RFLNA: variants seen among roughly 807,000 people sequenced by gnomAD.
RFLNA encodes the protein refilin A.
A neutral mutation model predicts 7.8 loss-of-function variants in RFLNA; 5 were observed. That is an observed-to-expected ratio of 0.64 (90% CI 0.34 to 1.35). The LOEUF is 1.35. Ranked by LOEUF, RFLNA falls within the 40% of genes most tolerant of loss-of-function variation. The probability of loss-of-function intolerance (pLI) is 0.04; values close to 1 mark genes in which losing one functional copy is unlikely to be tolerated. For missense variants in RFLNA, 278 were observed against 305.5 expected, an observed-to-expected ratio of 0.91 and a Z score of 0.67; for synonymous variants, 141 against 131.3, an observed-to-expected ratio of 1.07 and a Z score of -0.50.
At chr12:124,305,277 G>A (rs1305397262) in intron 1 of RFLNA, among the ~76,000 whole-genome samples, 1 of 152,222 alleles carries the variant, frequency 6.6e-6, no homozygotes, top group African/African-American at 2.4e-5. Context: ...GCCACCCCTG[G>A]GTTGGGCGCT....
chr12:124,292,854 CA>C (rs1427692296), upstream of RFLNA, among the ~76,000 whole-genome samples: 1 of 152,234 alleles, frequency 6.6e-6, no homozygotes, highest in African/African-American at 2.4e-5. Flanking sequence ...GAAATCACCA[CA>C]AATGGTATTT....
chr12:124,310,135 C>CGTACTCTA (rs1218160773), intron 1 of RFLNA, among the ~76,000 whole-genome samples: 1 of 123,696 alleles, frequency 8.1e-6, no homozygotes, highest in Non-Finnish European at 1.6e-5. Context: ...ATTGCACTAC[C>CGTACTCTA]GTACTCTAGC....
intron 1 of RFLNA, among the ~76,000 whole-genome samples, chr12:124,300,413 C>T (rs1038094959): frequency 5.9e-5 from 9 of 152,216 alleles, no homozygotes; most frequent in Admixed American, 2.6e-4. Flanking sequence ...TCTTGGAGGC[C>T]GCCTGAGGTC....
chr12:124,296,994 G>A (rs1036523761), intron 1 of RFLNA, among the ~76,000 whole-genome samples: 6 of 152,204 alleles, frequency 3.9e-5, no homozygotes, highest in Non-Finnish European at 8.8e-5. Context: ...GGTGACCAGG[G>A]CTGTTTGAAG....
chr12:124,299,351 A>AT (rs1343955841), intron 1 of RFLNA, among the ~76,000 whole-genome samples: 1 of 152,152 alleles, frequency 6.6e-6, no homozygotes, highest in African/African-American at 2.4e-5. Flanking sequence ...TTTTAAATTT[A>AT]TTTTTTAATG....
chr12:124,301,269 G>A (rs1322746930), intron 1 of RFLNA, among the ~76,000 whole-genome samples: 1 of 152,248 alleles, frequency 6.6e-6, no homozygotes, highest in African/African-American at 2.4e-5. Context: ...TCAGCAAAGT[G>A]TCTGACAGCC....
intron 1 of RFLNA, among the ~76,000 whole-genome samples, chr12:124,302,990 G>T (rs2034072135): frequency 6.6e-6 from 1 of 152,184 alleles, no homozygotes; most frequent in African/African-American, 2.4e-5. Context: ...GGGGGAGGGG[G>T]GGCTCTGGGT....
intron 1 of RFLNA, 49 bp from the exon 2 acceptor site, chr12:124,311,769 C>T: frequency 6.8e-7 from 1 of 1,466,524 alleles, no homozygotes; most frequent in Non-Finnish European, 9.1e-7. Flanking sequence ...GAGCTGAGGC[C>T]ACTGCAACAA....
Position 124,315,426 on chromosome 12 carries a change from CG to C in RFLNA, c.*902del, listed in dbSNP as rs2034334174. The C allele has an allele frequency of 1.3e-5, 2 of 152,342 alleles. No homozygotes were observed. Among genetic ancestry groups the C allele is most frequent in the African/African-American group, 4.8e-5 (2 of 41,458 alleles). 9.4% of individuals were successfully genotyped at this position (152,342 alleles called of 1,614,324 possible). ...ACCTGTGTGAGGCCGGGTCTGAACT[CG>C]AGGGAGTCGGAGCTCAGCTGTCGGT... On this transcript the variant is annotated 3_prime_UTR_variant, in exon 3 of 3. Transcript: ENST00000546355.
upstream of RFLNA, among the ~76,000 whole-genome samples, chr12:124,291,718 C>CT (rs5801541): frequency 0.36 from 54,172 of 148,586 alleles, 10,964 homozygotes; most frequent in African/African-American, 0.54. Flanking sequence ...GTGAAAAAGC[C>CT]TTTTTTTTTT....
upstream of RFLNA, among the ~76,000 whole-genome samples, chr12:124,294,082 G>A (rs542299661): frequency 6.6e-6 from 1 of 152,302 alleles, no homozygotes; most frequent in Admixed American, 6.5e-5. Flanking sequence ...TCTGAGGTCC[G>A]GCCAAGGCTG....
At chr12:124,296,539 C>T (rs1262005846) in intron 1 of RFLNA, among the ~76,000 whole-genome samples, 2 of 152,134 alleles carry the variant, frequency 1.3e-5, no homozygotes, top group Non-Finnish European at 2.9e-5. Context: ...ACTGCTGGGG[C>T]GTGTGTGCTG....
At chr12:124,297,979 A>T (rs1457745431) in intron 1 of RFLNA, among the ~76,000 whole-genome samples, 1 of 152,226 alleles carries the variant, frequency 6.6e-6, no homozygotes, top group East Asian at 1.9e-4. Flanking sequence ...CAGGACAAAG[A>T]GGCGGAAACC....
chr12:124,301,673 T>A (rs2034041296), intron 1 of RFLNA, among the ~76,000 whole-genome samples: 1 of 152,152 alleles, frequency 6.6e-6, no homozygotes, highest in African/African-American at 2.4e-5. Flanking sequence ...GTCCCCTATC[T>A]GGGAGGCCGC....
chr12:124,295,783 C>A, intron 1 of RFLNA, 147 bp downstream of exon 1: 1 of 861,114 alleles, frequency 1.2e-6, no homozygotes, highest in Non-Finnish European at 1.5e-6. Context: ...GACAGCCACG[C>A]TTCTCAGGTG....
Position 124,314,791 on chromosome 12 carries a change from ACT to A in RFLNA, c.*267_*268del. 1 of 682,378 alleles carries A rather than the reference ACT, an allele frequency of 1.5e-6. No individual in the cohort carries two copies. The highest frequency in any genetic ancestry group is 2.7e-6 in the Non-Finnish European group (1 of 377,358). The allele number at this position is 682,378 out of a possible 1,614,324, so 42.3% of individuals were successfully genotyped here. On this transcript the variant is annotated 3_prime_UTR_variant, in exon 3 of 3. Transcript: ENST00000546355. Reference sequence around the variant, plus strand: ...AGCTGGCAAGGCGGTAGGGGCATGCACTGTTAGGTGGTGGCCACCCCCAGGGT... The same window carrying A: ...AGCTGGCAAGGCGGTAGGGGCATGCAGTTAGGTGGTGGCCACCCCCAGGGT...
chr12:124,311,906 C>T lies in RFLNA; in HGVS notation c.296C>T (p.Pro99Leu), dbSNP rs765665513. The part of the protein sequence containing the change: ...VFFGESIKVN[P>L]EPTHEIRCNS... ...TTTGGGGAGAGCATCAAGGTGAACC[C>T]GGAACCCACGCATGAGATCCGGTGA... The change falls in exon 2 of 3, where the codon CCG (proline) becomes CTG (leucine). Residue 99 changes from proline to leucine, a missense_variant. Physicochemically the swap from Pro to Leu is moderately conservative, Grantham distance 98 (BLOSUM62 -3). Transcript: ENST00000546355. 3.7e-5 allele frequency: 59 copies of T among 1,578,662 alleles called. No individual in the cohort carries two copies. Among genetic ancestry groups the T allele is most frequent in the Non-Finnish European group, 4.5e-5 (52 of 1,162,320 alleles).
At chr12:124,307,010 G>A (rs1157311852) in intron 1 of RFLNA, among the ~76,000 whole-genome samples, 1 of 152,158 alleles carries the variant, frequency 6.6e-6, no homozygotes, top group Non-Finnish European at 1.5e-5. Context: ...ACCACCTGCT[G>A]TCCCCCGTGG....
chr12:124,295,404 G>GGGCCCGC lies in RFLNA; in HGVS notation c.-24_-18dup. The GGGCCCGC allele has an allele frequency of 8.3e-7, 1 of 1,199,728 alleles. No individual in the cohort carries two copies. Among genetic ancestry groups the GGGCCCGC allele is most frequent in the Non-Finnish European group, 1.0e-6 (1 of 963,360 alleles). The allele number at this position is 1,199,728 out of a possible 1,614,324, so 74.3% of individuals were successfully genotyped here. On this transcript the variant is annotated 5_prime_UTR_variant, in exon 1 of 3. Transcript: ENST00000546355. Reference sequence around the variant, plus strand: ...GTGGAGAAGCCCCCGGAGGAGCGGGGGGCCCGCGCCCCGCGCCCCCCAGAC... The same window carrying GGGCCCGC: ...GTGGAGAAGCCCCCGGAGGAGCGGGGGGCCCGCGGCCCGCGCCCCGCGCCCCCCAGAC...
Sources: allele counts gnomAD v4.1 joint callset (sites outside exome capture counted in the v4.1 genomes callset), GRCh38; gene constraint gnomAD v4.1.1; transcripts MANE v1.5; gene names NCBI Gene and HGNC (gene_info 2026-07-23, HGNC 2026-07-21).